Variants in NKAIN3 observed in about 807,000 individuals in gnomAD.
NKAIN3 encodes the protein sodium/potassium-transporting ATPase subunit beta-1-interacting protein 3.
A neutral mutation model predicts 30.2 loss-of-function variants in NKAIN3; 25 were observed. The observed-to-expected ratio is 0.83, with a 90% CI of 0.60 to 1.16. NKAIN3 has a LOEUF of 1.16. Ranked by LOEUF, NKAIN3 falls within the 50% of genes most tolerant of loss-of-function variation. The pLI is 0.00. For synonymous variants in NKAIN3, 91 were observed against 89.6 expected (o/e 1.02, Z -0.09); for missense variants, 225 against 254.1 (o/e 0.89, Z 0.78).
intron 4 of NKAIN3, among the ~76,000 whole-genome samples, chr8:62,776,159 T>C (rs185977980): frequency 2.6e-5 from 4 of 152,262 alleles, no homozygotes; most frequent in African/African-American, 9.6e-5. Flanking sequence ...TGTGCCTTTA[T>C]AGGTGAAGTG....
chr8:62,972,538 TTCG>T lies in NKAIN3; in HGVS notation c.*7137_*7139del, dbSNP rs1388998191. 6.6e-6 allele frequency among the ~76,000 whole-genome samples: 1 copy of T among 152,156 alleles called. No individual in the cohort carries two copies. Among genetic ancestry groups the T allele is most frequent in the Non-Finnish European group, 1.5e-5 (1 of 68,030 alleles). On this transcript the variant is annotated 3_prime_UTR_variant, in exon 7 of 7. Transcript: ENST00000623646. ...TTTTTTTGTCTCTCTCTGAATCAAG[TTCG>T]TCGTCTATTTACGTGCTTCTCAGTT...
chr8:62,800,993 C>G (rs60781553), intron 4 of NKAIN3, among the ~76,000 whole-genome samples: 2,499 of 150,338 alleles, frequency 0.017, 25 homozygotes, highest in Middle Eastern at 0.051. Context: ...GGGTCCTACA[C>G]CCACGGAGTC....
In NKAIN3 at chr8:62,855,704, C is replaced by T. The variant is rs767160691; in HGVS notation, c.472-62749C>T. On this transcript the variant is annotated intron_variant, in intron 4 of 6. Transcript: ENST00000623646. ...AAAGCTGTCACTTCTGCATGTGAAG[C>T]GGAGCTTCTGAACGATAGCCTTCAT... The T allele has an allele frequency of 5.4e-5, 86 of 1,589,292 alleles. 1 individual carries two copies. Among genetic ancestry groups the T allele is most frequent in the African/African-American group, 1.6e-4 (12 of 74,474 alleles).
At chr8:62,887,680 AG>A (rs1821189380) in intron 4 of NKAIN3, among the ~76,000 whole-genome samples, 1 of 152,168 alleles carries the variant, frequency 6.6e-6, no homozygotes, top group Non-Finnish European at 1.5e-5. Context: ...GCCCAACAAA[AG>A]CATCCTTTAT....
At chr8:62,741,378 G>A (rs924409348) in intron 3 of NKAIN3, among the ~76,000 whole-genome samples, 1 of 134,820 alleles carries the variant, frequency 7.4e-6, no homozygotes, top group African/African-American at 3.4e-5. Context: ...AAGGAAGGAA[G>A]GAAGGAAGGA....
chr8:62,749,521 T>A (rs531350480), intron 4 of NKAIN3, among the ~76,000 whole-genome samples: 3 of 152,180 alleles, frequency 2.0e-5, no homozygotes, highest in Non-Finnish European at 2.9e-5. Flanking sequence ...ATTTTTAATA[T>A]TTTATCTTTT....
At chr8:62,438,431 C>T (rs954377132) in intron 1 of NKAIN3, among the ~76,000 whole-genome samples, 3 of 152,212 alleles carry the variant, frequency 2.0e-5, no homozygotes, top group Non-Finnish European at 4.4e-5. Flanking sequence ...CTCACCCTCT[C>T]TGTGGCTCCT....
At chr8:62,885,289 T>G (rs1821110867) in intron 4 of NKAIN3, among the ~76,000 whole-genome samples, 1 of 152,260 alleles carries the variant, frequency 6.6e-6, no homozygotes, top group African/African-American at 2.4e-5. Context: ...TTGGAGATTT[T>G]CCAGCTATCT....
At chr8:62,365,533 T>C (rs1336133314) in intron 1 of NKAIN3, among the ~76,000 whole-genome samples, 1 of 152,236 alleles carries the variant, frequency 6.6e-6, no homozygotes, top group Non-Finnish European at 1.5e-5. Context: ...GTATTCTATA[T>C]AGAGGAATGA....
At chr8:62,860,715 C>A (rs1820214324) in intron 4 of NKAIN3, among the ~76,000 whole-genome samples, 1 of 152,196 alleles carries the variant, frequency 6.6e-6, no homozygotes, top group South Asian at 2.1e-4. Context: ...CTATCTGATG[C>A]AGATTGGTCC....
Position 62,981,337 on chromosome 8 carries a change from A to G in NKAIN3, c.*15930A>G, listed in dbSNP as rs138825715. The G allele has an allele frequency of 1.3e-3, 197 of 152,324 alleles. 2 individuals are homozygous for G. The highest frequency in any genetic ancestry group is 4.4e-3 in the African/African-American group (181 of 41,582). The allele number at this position is 152,324 out of a possible 1,614,324, so 9.4% of individuals were successfully genotyped here. ...GGCCAGAGTATTAATAGCACCCGTG[A>G]TAACTGTAATAAGAATATGTCTCGT... On this transcript the variant is annotated 3_prime_UTR_variant, in exon 7 of 7. Transcript: ENST00000623646.
At chr8:62,763,932 A>G (rs1017040729) in intron 4 of NKAIN3, among the ~76,000 whole-genome samples, 4 of 152,168 alleles carry the variant, frequency 2.6e-5, no homozygotes, top group Admixed American at 2.6e-4. Context: ...GGAGAAGTTT[A>G]TTGAGGGGTT....
chr8:62,899,790 A>T (rs1436927584), intron 4 of NKAIN3, among the ~76,000 whole-genome samples: 1 of 151,972 alleles, frequency 6.6e-6, no homozygotes, highest in Non-Finnish European at 1.5e-5. Flanking sequence ...AGGGATGGAT[A>T]CCCCATTTTA....
At chr8:62,773,330 A>C (rs1283363107) in intron 4 of NKAIN3, among the ~76,000 whole-genome samples, 1 of 152,052 alleles carries the variant, frequency 6.6e-6, no homozygotes, top group Non-Finnish European at 1.5e-5. Flanking sequence ...TCCCCAATTT[A>C]TGTTCTTGGC....
At chr8:62,800,698 G>A (rs1036772422) in intron 4 of NKAIN3, among the ~76,000 whole-genome samples, 16 of 152,062 alleles carry the variant, frequency 1.1e-4, no homozygotes, top group Admixed American at 3.3e-4. Context: ...CGCAGAAGAC[G>A]GGTGATTTCT....
intron 4 of NKAIN3, chr8:62,864,089 G>A (rs373868787): frequency 4.8e-5 from 31 of 648,430 alleles, no homozygotes; most frequent in East Asian, 3.5e-4. Context: ...ATTCCGACGC[G>A]GCGCAAGCGG....
chr8:62,820,403 A>C (rs1818813925), intron 4 of NKAIN3, among the ~76,000 whole-genome samples: 1 of 152,168 alleles, frequency 6.6e-6, no homozygotes, highest in Non-Finnish European at 1.5e-5. Flanking sequence ...GGCTCACTGT[A>C]AGAGGTGGGA....
intron 4 of NKAIN3, among the ~76,000 whole-genome samples, chr8:62,832,487 C>A (rs1819228261): frequency 6.6e-6 from 1 of 150,742 alleles, no homozygotes; most frequent in Non-Finnish European, 1.5e-5. Context: ...ACCCATCTGT[C>A]TGCTATATTC....
At chr8:62,964,370 C>T (rs1276359100) in intron 6 of NKAIN3, among the ~76,000 whole-genome samples, 1 of 152,072 alleles carries the variant, frequency 6.6e-6, no homozygotes, top group African/African-American at 2.4e-5. Flanking sequence ...TGACATTGTG[C>T]AAAGATGCAG....
Sources: allele counts gnomAD v4.1 joint callset (sites outside exome capture counted in the v4.1 genomes callset), GRCh38; gene constraint gnomAD v4.1.1; transcripts MANE v1.5; gene names NCBI Gene and HGNC (gene_info 2026-07-23, HGNC 2026-07-21).